Variants in RBFOX1 observed in about 807,000 individuals in gnomAD.
RBFOX1 encodes the protein RNA binding protein fox-1 homolog 1.
In RBFOX1, 8 loss-of-function variants were observed where a neutral mutation model predicts 57.7. That is an observed-to-expected ratio of 0.14 (90% CI 0.08 to 0.25). The LOEUF (loss-of-function observed/expected upper bound fraction) is 0.25. Ranked by LOEUF, RBFOX1 falls within the 10% of genes least tolerant of loss-of-function variation. The pLI is 1.00. For synonymous variants in RBFOX1, 326 were observed against 222.4 expected, an observed-to-expected ratio of 1.47 and a Z score of -4.15; for missense variants, 611 against 548.5, an observed-to-expected ratio of 1.11 and a Z score of -1.14.
At chr16:6,265,482 A>G (rs888059085) in intron 1 of RBFOX1, among the ~76,000 whole-genome samples, 8 of 152,016 alleles carry the variant, frequency 5.3e-5, no homozygotes, top group African/African-American at 1.9e-4. Context: ...GGCTGGTCTC[A>G]AACTCCTGAC....
rs769785213 is a variant in RBFOX1, at chr16:7,518,336, T to G, written c.217T>G (p.Ser73Ala). 11 of 1,613,612 alleles carry G rather than the reference T, an allele frequency of 6.8e-6. No homozygotes were observed. The highest frequency in any genetic ancestry group is 1.3e-5 in the African/African-American group (1 of 74,872). Residue 73 changes from serine to alanine, a missense_variant, in exon 5 of 16, where the codon TCC becomes GCC. Coordinates refer to ENST00000550418, the MANE Select transcript of RBFOX1 (RefSeq NM_018723.4). Reference sequence around the variant, plus strand: ...CCTGTACCCTCCCGCCCAGACGCACTCCGAGCAGAGCCCGGCGGACACGAG... The same window carrying G: ...CCTGTACCCTCCCGCCCAGACGCACGCCGAGCAGAGCCCGGCGGACACGAG... ...LNLYPPAQTH[S>A]EQSPADTSAQ...
chr16:6,817,779 C>T (rs773121835), intron 3 of RBFOX1, among the ~76,000 whole-genome samples: 1 of 152,018 alleles, frequency 6.6e-6, no homozygotes, highest in Non-Finnish European at 1.5e-5. Context: ...ATCTGTTAAA[C>T]TTCTAAGTTT....
chr16:5,529,399 T>C (rs2044370851), intron 2 of RBFOX1, among the ~76,000 whole-genome samples: 1 of 151,392 alleles, frequency 6.6e-6, no homozygotes, highest in Admixed American at 6.6e-5. Flanking sequence ...CTTTTTTTTT[T>C]TTTTTTTTTT....
chr16:5,638,996 C>T (rs943528007), intron 3 of RBFOX1, among the ~76,000 whole-genome samples: 3 of 152,184 alleles, frequency 2.0e-5, no homozygotes, highest in Non-Finnish European at 2.9e-5. Flanking sequence ...GAGGAAGATA[C>T]TTTCTCAGAA....
At chr16:6,894,244 G>A (rs2066218619) in intron 3 of RBFOX1, among the ~76,000 whole-genome samples, 1 of 152,056 alleles carries the variant, frequency 6.6e-6, no homozygotes, top group Non-Finnish European at 1.5e-5. Context: ...GATGGCATTG[G>A]TCATTGGTCA....
At chr16:5,737,969 C>G (rs2052639003) in intron 3 of RBFOX1, among the ~76,000 whole-genome samples, 1 of 152,158 alleles carries the variant, frequency 6.6e-6, no homozygotes, top group Non-Finnish European at 1.5e-5. Context: ...AACCTGTCAT[C>G]TACATTAAGT....
chr16:7,244,707 C>G (rs922717479), intron 4 of RBFOX1, among the ~76,000 whole-genome samples: 1 of 152,188 alleles, frequency 6.6e-6, no homozygotes, highest in African/African-American at 2.4e-5. Context: ...CACTGACTTT[C>G]TTCCAATATT....
At chr16:5,628,373 C>G (rs1050927199) in intron 3 of RBFOX1, among the ~76,000 whole-genome samples, 2 of 151,942 alleles carry the variant, frequency 1.3e-5, no homozygotes, top group Non-Finnish European at 1.5e-5. Context: ...CCCTCTGTAT[C>G]CTGGGCACAT....
intron 11 of RBFOX1, among the ~76,000 whole-genome samples, chr16:7,634,289 AT>A (rs1256810828): frequency 2.0e-5 from 3 of 151,836 alleles, no homozygotes; most frequent in Non-Finnish European, 4.4e-5. Flanking sequence ...TGTATGTTGG[AT>A]CCTATGTGTC....
intron 2 of RBFOX1, among the ~76,000 whole-genome samples, chr16:5,506,231 G>C (rs1038440125): frequency 6.6e-6 from 1 of 152,212 alleles, no homozygotes; most frequent in African/African-American, 2.4e-5. Context: ...TCCTACACCA[G>C]TACTGAGCAC....
intron 3 of RBFOX1, among the ~76,000 whole-genome samples, chr16:6,688,307 C>G (rs1017896778): frequency 2.0e-5 from 3 of 152,104 alleles, no homozygotes; most frequent in East Asian, 1.9e-4. Flanking sequence ...TGAGACAGCA[C>G]TAGGGAGATG....
At chr16:5,373,287 G>C (rs576635025) in intron 1 of RBFOX1, among the ~76,000 whole-genome samples, 26 of 152,304 alleles carry the variant, frequency 1.7e-4, no homozygotes, top group African/African-American at 6.0e-4. Context: ...GTGTGGTTTG[G>C]ATTTATGTCC....
intron 3 of RBFOX1, among the ~76,000 whole-genome samples, chr16:6,848,063 C>G (rs1003127356): frequency 2.0e-5 from 3 of 152,044 alleles, no homozygotes; most frequent in African/African-American, 7.2e-5. Flanking sequence ...AACTCCTGAC[C>G]TCAAGTGATC....
Position 7,698,700 on chromosome 16 carries a change from T to G in RBFOX1, c.996-10356T>G, listed in dbSNP as rs148201359. Among the ~76,000 whole-genome samples, 281 of 152,314 alleles carry G rather than the reference T, an allele frequency of 1.8e-3. 1 individual carries two copies. Among genetic ancestry groups the G allele is most frequent in the African/African-American group, 6.7e-3 (279 of 41,570 alleles). On this transcript the variant is annotated intron_variant, in intron 14 of 15. Coordinates refer to ENST00000550418, the MANE Select transcript of RBFOX1 (RefSeq NM_018723.4). ...AAAGTTGTCATGCAGTAAATTGATT[T>G]GTGGCTAATTGGTCCATTTCCAATA...
chr16:7,023,444 A>AGT lies in RBFOX1; in HGVS notation c.-15-28611_-15-28610dup, dbSNP rs548782950. 9.6e-4 allele frequency among the ~76,000 whole-genome samples: 145 copies of AGT among 150,844 alleles called. 1 individual carries two copies. Among genetic ancestry groups the AGT allele is most frequent in the South Asian group, 4.6e-3 (22 of 4,756 alleles). Reference sequence around the variant, plus strand: ...CATTGAATTCTAGCCTGGATGACAGAGTGAGACTCCATCTCAAAAAAAAAA... The same window carrying AGT: ...CATTGAATTCTAGCCTGGATGACAGAGTGTGAGACTCCATCTCAAAAAAAAAA... On this transcript the variant is annotated intron_variant, in intron 3 of 15. Transcript: ENST00000550418.
intron 4 of RBFOX1, among the ~76,000 whole-genome samples, chr16:7,413,595 G>T (rs1039070981): frequency 6.6e-6 from 1 of 151,684 alleles, no homozygotes; most frequent in African/African-American, 2.4e-5. Flanking sequence ...CCACCCCCCT[G>T]CCCCCTGCCT....
chr16:5,763,533 A>G (rs1014049056), intron 3 of RBFOX1, among the ~76,000 whole-genome samples: 18 of 152,252 alleles, frequency 1.2e-4, no homozygotes, highest in African/African-American at 4.1e-4. Flanking sequence ...CCTTATCCCC[A>G]TATTTTCACC....
At chr16:5,359,505 T>A (rs760326503) in intron 1 of RBFOX1, among the ~76,000 whole-genome samples, 2 of 152,218 alleles carry the variant, frequency 1.3e-5, no homozygotes, top group African/African-American at 4.8e-5. Context: ...TAAAAGTGAT[T>A]TTAACTGGGG....
intron 4 of RBFOX1, among the ~76,000 whole-genome samples, chr16:5,886,985 C>T (rs912147958): frequency 4.6e-5 from 7 of 152,192 alleles, no homozygotes; most frequent in African/African-American, 1.7e-4. Flanking sequence ...CATTCTGGGC[C>T]AGCCAATTGT....
Sources: gnomAD v4.1 joint callset for allele counts (sites outside exome capture counted in the v4.1 genomes callset) on GRCh38, gnomAD v4.1.1 for gene constraint, MANE v1.5 for transcripts, NCBI Gene and HGNC (gene_info 2026-07-23, HGNC 2026-07-21) for gene names.